TPPP2: variants seen among roughly 807,000 people sequenced by gnomAD.
TPPP2 encodes the protein tubulin polymerization-promoting protein family member 2.
Under a neutral mutation model 13.0 loss-of-function variants are expected in TPPP2, and 8 were observed. The ratio of observed to expected loss-of-function variants is 0.62; its 90% CI spans 0.36 to 1.11. TPPP2 has a LOEUF of 1.11. Ranked by LOEUF, TPPP2 falls within the 50% of genes most tolerant of loss-of-function variation. TPPP2 has a pLI of 0.02. For missense variants in TPPP2, 213 were observed against 216.9 expected (o/e 0.98, Z 0.11); for synonymous variants, 81 against 81.8 (o/e 0.99, Z 0.05).
At chr14:21,030,887 T>G in intron 2 of TPPP2, 125 bp from the exon 3 acceptor site, 1 of 1,510,220 alleles carries the variant, frequency 6.6e-7, no homozygotes, top group South Asian at 1.3e-5. Flanking sequence ...GTGCTATCCT[T>G]TGTCTTCGAG....
upstream of TPPP2, among the ~76,000 whole-genome samples, chr14:21,027,992 G>A (rs539601728): frequency 2.4e-4 from 37 of 152,268 alleles, no homozygotes; most frequent in African/African-American, 8.7e-4. Flanking sequence ...CCCTAATACC[G>A]TAAGGTTAGT....
At chr14:21,027,887 T>C (rs1420949605), upstream of TPPP2, among the ~76,000 whole-genome samples, 1 of 152,186 alleles carries the variant, frequency 6.6e-6, no homozygotes, top group Non-Finnish European at 1.5e-5. Flanking sequence ...TGAGGGGCAT[T>C]CTATCCAGGC....
At position 21,031,056 on chromosome 14, in the gene TPPP2, C is replaced by A; in HGVS notation, c.218C>A (p.Ala73Glu). 1 of 1,613,982 alleles carries A rather than the reference C, an allele frequency of 6.2e-7. No individual in the cohort carries two copies. The highest frequency in any genetic ancestry group is 1.1e-5 in the South Asian group (1 of 91,040). ...ATCACGTTTCAACAGTTCAAAGAGG[C>A]AGTGAAGGAACTGGGCCAGAAGCGC... ...RTITFQQFKE[A>E]VKELGQKRFK... Residue 73 changes from alanine to glutamate, a missense_variant, in exon 3 of 4, where the codon GCA becomes GAA. Physicochemically the swap from Ala to Glu is moderately radical, Grantham distance 107 (BLOSUM62 -1). Transcript: ENST00000321760.
At chr14:21,034,101 A>C (rs1884447898), downstream of TPPP2, 3 of 1,614,210 alleles carry the variant, frequency 1.9e-6, no homozygotes. Context: ...TGAATTTTGC[A>C]TCTTGCCTCG....
chr14:21,026,298 C>T (rs1381234641), upstream of TPPP2, among the ~76,000 whole-genome samples: 1 of 152,022 alleles, frequency 6.6e-6, no homozygotes, highest in Non-Finnish European at 1.5e-5. Context: ...TTCTCCCCAC[C>T]TGCCCCCCTT....
intron 1 of TPPP2, chr14:21,024,371 C>CCGGATT (rs1372788490): frequency 2.1e-6 from 2 of 948,102 alleles, no homozygotes; most frequent in Non-Finnish European, 2.5e-6. Context: ...GTCAGAACCT[C>CCGGATT]CGGATTCGAA....
At chr14:21,033,005 G>A (rs1884339257), downstream of TPPP2, 4 of 455,614 alleles carry the variant, frequency 8.8e-6, no homozygotes, top group South Asian at 6.2e-5. Flanking sequence ...GCCTGGTCAG[G>A]GGCAGACTCT....
At position 21,032,661 on chromosome 14, in the gene TPPP2, C is replaced by A; in HGVS notation, c.*584C>A. On this transcript the variant is annotated 3_prime_UTR_variant, in exon 4 of 4. Coordinates refer to ENST00000321760, the MANE Select transcript of TPPP2 (RefSeq NM_173846.5). ...ACCCAGCCCAGAACTAAGTTTTACC[C>A]CACATCACCTCCATCATGGGGCACA... 2.9e-6 allele frequency: 1 copy of A among 342,422 alleles called. No individual in the cohort carries two copies. Among genetic ancestry groups the A allele is most frequent in the Non-Finnish European group, 5.6e-6 (1 of 177,020 alleles). 21.2% of individuals were successfully genotyped at this position (342,422 alleles called of 1,614,324 possible). A position where few individuals can be genotyped will look rare whatever the true frequency, so the allele number is the denominator to read the frequency against.
upstream of TPPP2, among the ~76,000 whole-genome samples, chr14:21,029,786 G>T (rs1883935197): frequency 6.6e-6 from 1 of 152,092 alleles, no homozygotes; most frequent in Non-Finnish European, 1.5e-5. Context: ...CAGCAAGAAG[G>T]TGCCATCTAT....
intron 2 of TPPP2, 43 bp downstream of exon 2, chr14:21,030,797 C>T (rs756989657): frequency 2.0e-5 from 32 of 1,601,858 alleles, no homozygotes; most frequent in Admixed American, 3.4e-5. Context: ...GAAGAACCTG[C>T]GAGGTAGTTG....
upstream of TPPP2, chr14:21,025,417 C>T: frequency 1.0e-6 from 1 of 985,686 alleles, no homozygotes; most frequent in Non-Finnish European, 1.2e-6. This position sits in a 1 kb window ranked among gnomAD's most constrained non-coding sequence, Gnocchi z 5.1. Flanking sequence ...TGCACTCTGG[C>T]TCCTTCCTTC....
At chr14:21,032,844 A>G (rs531751781), downstream of TPPP2, 197 of 422,588 alleles carry the variant, frequency 4.7e-4, 2 homozygotes, top group South Asian at 3.3e-3. Flanking sequence ...TTTATTTTGA[A>G]TTGATTATGG....
At chr14:21,028,659 G>C (rs985077965), upstream of TPPP2, 2 of 152,106 alleles carry the variant, frequency 1.3e-5, no homozygotes, top group African/African-American at 4.8e-5. Flanking sequence ...TCTTGAGCAG[G>C]AGTAATAAAA....
downstream of TPPP2, chr14:21,033,046 G>A (rs1400308324): frequency 2.2e-6 from 1 of 451,112 alleles, no homozygotes; most frequent in South Asian, 1.6e-5. Context: ...GGAGCTTCTG[G>A]AAGAGAAGGG....
Position 21,031,973 on chromosome 14 carries a change from A to C in TPPP2, c.409A>C (p.Ser137Arg). ...CACCCACAAGGAGCGCTTTGATGAG[A>C]GTGGCAAGGGCAAGGGCATTGCGGG... ...TGTHKERFDE[S>R]GKGKGIAGRE... The change falls in exon 4 of 4, where the codon AGT becomes CGT. Residue 137 changes from serine to arginine, a missense_variant. Ser to Arg is a moderately radical substitution (Grantham distance 110, BLOSUM62 -1). Coordinates refer to ENST00000321760, the MANE Select transcript of TPPP2 (RefSeq NM_173846.5). 1 of 1,614,194 alleles carries C rather than the reference A, an allele frequency of 6.2e-7. No homozygotes were observed. The highest frequency in any genetic ancestry group is 8.5e-7 in the Non-Finnish European group (1 of 1,180,044).
chr14:21,034,314 G>A, downstream of TPPP2: 1 of 1,571,128 alleles, frequency 6.4e-7, no homozygotes, highest in Non-Finnish European at 8.7e-7. Context: ...AGTTAAGGTG[G>A]TTGGGGGCAG....
downstream of TPPP2, chr14:21,036,202 G>T (rs766686803): frequency 2.2e-6 from 1 of 456,258 alleles, no homozygotes; most frequent in Admixed American, 2.3e-5. Flanking sequence ...GGATGCTCTC[G>T]TCTCGCCTGG....
Position 21,032,267 on chromosome 14 carries a change from G to A in TPPP2, c.*190G>A, listed in dbSNP as rs1754340. On this transcript the variant is annotated 3_prime_UTR_variant, in exon 4 of 4. Coordinates refer to ENST00000321760, the MANE Select transcript of TPPP2 (RefSeq NM_173846.5). ...GTGGGTTCTCCACCACACACCCTTC[G>A]CTCTGCTTAGCCTTATGCCTACCAG... 308,013 of 686,476 alleles carry A rather than the reference G, an allele frequency of 0.45. 72,387 individuals are homozygous for A. Among genetic ancestry groups the A allele is most frequent in the East Asian group, 0.68 (23,751 of 35,110 alleles). The allele number at this position is 686,476 out of a possible 1,614,324, so 42.5% of individuals were successfully genotyped here.
At position 21,030,543 on chromosome 14, in the gene TPPP2, G is replaced by A. The variant is rs1166827934; in HGVS notation, c.-39G>A. 75 of 1,599,562 alleles carry A rather than the reference G, an allele frequency of 4.7e-5. No homozygotes were observed. The highest frequency in any genetic ancestry group is 6.2e-5 in the Non-Finnish European group (73 of 1,172,298). Reference sequence around the variant, plus strand: ...CCTCCCCCTTCTCCTTCACCCCCAAGTGTCTCCCACGACTGCCCTCCCCGA... The same window carrying A: ...CCTCCCCCTTCTCCTTCACCCCCAAATGTCTCCCACGACTGCCCTCCCCGA... On this transcript the variant is annotated 5_prime_UTR_variant, in exon 2 of 4. In the 5' UTR this introduces an upstream ATG that the reference lacks. Coordinates refer to ENST00000321760, the MANE Select transcript of TPPP2 (RefSeq NM_173846.5).
Sources: allele counts gnomAD v4.1 joint callset (sites outside exome capture counted in the v4.1 genomes callset), GRCh38; gene constraint gnomAD v4.1.1; non-coding constraint Gnocchi (gnomAD v3.1); transcripts MANE v1.5; gene names NCBI Gene and HGNC (gene_info 2026-07-23, HGNC 2026-07-21).